The following BCL2L11 variants were observed in gnomAD, a reference collection of about 807,000 sequenced individuals.
BCL2L11 encodes BCL2 like 11.
In BCL2L11, 15 loss-of-function variants were observed where a neutral mutation model predicts 20.6. The ratio of observed to expected loss-of-function variants is 0.73; its 90% CI spans 0.49 to 1.12. BCL2L11 has a LOEUF of 1.12. Among genes scored for constraint, BCL2L11 ranks in the 50% most tolerant of loss-of-function variants. The probability of loss-of-function intolerance (pLI) is 0.00; values close to 1 mark genes in which losing one functional copy is unlikely to be tolerated. For synonymous variants in BCL2L11, 108 were observed against 92.8 expected (o/e 1.16, Z -0.94); for missense variants, 292 against 260.9 (o/e 1.12, Z -0.82).
chr2:111,123,046 C>T (rs1821968), intron 1 of BCL2L11: 452,874 of 976,296 alleles, frequency 0.46, 106,681 homozygotes, highest in Non-Finnish European at 0.48. Context: ...GCTTCGTCGC[C>T]CTCCGCCGCC....
intron 1 of BCL2L11, among the ~76,000 whole-genome samples, chr2:111,122,321 A>G (rs2150121881): frequency 6.6e-6 from 1 of 152,098 alleles, no homozygotes; most frequent in East Asian, 1.9e-4. Flanking sequence ...GCTGTCCAGG[A>G]CGGCGGGAGC....
rs2150566373 is a variant in BCL2L11, at chr2:111,158,361, A to G, written c.499-5772A>G. Among the ~76,000 whole-genome samples the G allele has an allele frequency of 1.3e-5, 2 of 152,234 alleles. 1 individual carries two copies. On this transcript the variant is annotated intron_variant, in intron 3 of 3. Coordinates refer to ENST00000393256, the MANE Select transcript of BCL2L11 (RefSeq NM_138621.5). ...TCAGTGTCCCTAAAGATGCCGTGAC[A>G]GCCCCTGGGTATTCTCAGGCTCCTG...
Position 111,123,914 on chromosome 2 carries a change from C to T in BCL2L11, c.169C>T (p.His57Tyr). Reference sequence around the variant, plus strand: ...CGGAGGTGAAGGGGACAGCTGCCCCCACGGCAGCCCTCAGGGCCCGCTGGC... The same window carrying T: ...CGGAGGTGAAGGGGACAGCTGCCCCTACGGCAGCCCTCAGGGCCCGCTGGC... Reference protein sequence around the residue: ...NHGGEGDSCPHGSPQGPLAPP... With the variant: ...NHGGEGDSCPYGSPQGPLAPP... The change falls in exon 2 of 4, where the codon CAC (histidine) becomes TAC (tyrosine). Residue 57 changes from histidine to tyrosine, a missense_variant. Transcript: ENST00000393256. 1 of 1,613,276 alleles carries T rather than the reference C, an allele frequency of 6.2e-7. No homozygotes were observed. The highest frequency in any genetic ancestry group is 8.5e-7 in the Non-Finnish European group (1 of 1,179,612).
At chr2:111,124,509 C>T (rs977616994) in intron 2 of BCL2L11, among the ~76,000 whole-genome samples, 1 of 152,164 alleles carries the variant, frequency 6.6e-6, no homozygotes, top group Non-Finnish European at 1.5e-5. Flanking sequence ...CCAGGATGGT[C>T]TCAATCTCCT....
At chr2:111,134,437 C>T (rs2074496252) in intron 2 of BCL2L11, among the ~76,000 whole-genome samples, 1 of 152,030 alleles carries the variant, frequency 6.6e-6, no homozygotes, top group South Asian at 2.1e-4. Flanking sequence ...GAGTAGAAAC[C>T]TTACTTTTCT....
In BCL2L11 at chr2:111,141,506, G is replaced by A. The variant is rs1408836496; in HGVS notation, c.395-8538G>A. On this transcript the variant is annotated intron_variant, in intron 2 of 3. Coordinates refer to ENST00000393256, the MANE Select transcript of BCL2L11 (RefSeq NM_138621.5). ...AGGAAGGGGAATATCACACTCTGGGGACTGTTGTGGGGTGGGGGGAGGGGG... is the reference window on the plus strand; with the variant it reads ...AGGAAGGGGAATATCACACTCTGGGAACTGTTGTGGGGTGGGGGGAGGGGG... Among the ~76,000 whole-genome samples the A allele has an allele frequency of 2.3e-3, 278 of 123,140 alleles. 3 individuals are homozygous for A. Among genetic ancestry groups the A allele is most frequent in the African/African-American group, 8.3e-3 (263 of 31,648 alleles). The allele number at this position is 123,140 out of a possible 152,430, so 80.8% of individuals were successfully genotyped here.
Position 111,165,090 on chromosome 2 carries a change from G to C in BCL2L11, c.*859G>C, listed in dbSNP as rs909648765. On this transcript the variant is annotated 3_prime_UTR_variant, in exon 4 of 4. Transcript: ENST00000393256. ...TGCCTGTATCTTGCACAGTTCGAGCGATCTGTTATTAACTGGGAAGCATTT... is the reference window on the plus strand; with the variant it reads ...TGCCTGTATCTTGCACAGTTCGAGCCATCTGTTATTAACTGGGAAGCATTT... 5 of 152,224 alleles carry C rather than the reference G, an allele frequency of 3.3e-5. No individual in the cohort carries two copies. Among genetic ancestry groups the C allele is most frequent in the Admixed American group, 3.3e-4 (5 of 15,284 alleles). The allele number at this position is 152,224 out of a possible 1,614,324, so 9.4% of individuals were successfully genotyped here.
rs775079157 is a variant in BCL2L11, at chr2:111,147,360, A to T, written c.395-2684A>T. 1.2e-3 allele frequency among the ~76,000 whole-genome samples: 172 copies of T among 137,662 alleles called. 1 individual carries two copies. The highest frequency in any genetic ancestry group is 3.2e-3 in the African/African-American group (122 of 38,474). The allele number at this position is 137,662 out of a possible 152,430, so 90.3% of individuals were successfully genotyped here. On this transcript the variant is annotated intron_variant, in intron 2 of 3. Transcript: ENST00000393256. ...CTCTCTCTCTCTCACACACACACAC[A>T]CACACACACACACACACACACACAC... is the stretch of plus-strand genomic sequence containing the variant.
intron 2 of BCL2L11, among the ~76,000 whole-genome samples, chr2:111,141,406 T>C (rs1345795076): frequency 3.3e-5 from 5 of 150,874 alleles, no homozygotes; most frequent in Non-Finnish European, 5.9e-5. Context: ...CAGTAAACTA[T>C]TGCAAGAACA....
At position 111,121,087 on chromosome 2, in the gene BCL2L11, G is replaced by A; in HGVS notation, c.-115G>A. 1 of 320,980 alleles carries A rather than the reference G, an allele frequency of 3.1e-6. No individual in the cohort carries two copies. The highest frequency in any genetic ancestry group is 6.9e-5 in the South Asian group (1 of 14,404). 19.9% of individuals were successfully genotyped at this position (320,980 alleles called of 1,614,324 possible). On this transcript the variant is annotated 5_prime_UTR_variant, in exon 1 of 4. Transcript: ENST00000393256. ...GCCACACTGCGATCGCATCATCGCG[G>A]TATTCGGTTCGCTGCGTTCCCGCCG...
intron 2 of BCL2L11, among the ~76,000 whole-genome samples, chr2:111,148,624 C>G (rs1185557946): frequency 6.6e-6 from 1 of 152,194 alleles, no homozygotes; most frequent in Non-Finnish European, 1.5e-5. Context: ...CCTTCATCAG[C>G]CTTTGTGCTT....
intron 2 of BCL2L11, among the ~76,000 whole-genome samples, chr2:111,147,384 ACACACACCCG>A (rs1448167294): frequency 6.8e-6 from 1 of 148,090 alleles, no homozygotes; most frequent in Non-Finnish European, 1.5e-5. Context: ...ACACACACAC[ACACACACCCG>A]CCATTTCTCC....
chr2:111,157,361 T>C (rs757870328), intron 3 of BCL2L11, among the ~76,000 whole-genome samples: 18 of 152,230 alleles, frequency 1.2e-4, no homozygotes, highest in Non-Finnish European at 2.5e-4. Flanking sequence ...TTCACTAGAC[T>C]TCTACCACCT....
Position 111,164,361 on chromosome 2 carries a change from T to C in BCL2L11, c.*130T>C. On this transcript the variant is annotated 3_prime_UTR_variant, in exon 4 of 4. Transcript: ENST00000393256. The stretch of plus-strand genomic sequence containing the variant: ...TCTCTTGTGGAGGGGGCAGGTGACG[T>C]TTCAGAAGACACCGAGCTGGATGGG... The C allele has an allele frequency of 4.4e-6, 3 of 687,236 alleles. No homozygotes were observed. The highest frequency in any genetic ancestry group is 8.0e-6 in the Non-Finnish European group (3 of 376,562). The allele number at this position is 687,236 out of a possible 1,614,324, so 42.6% of individuals were successfully genotyped here.
intron 3 of BCL2L11, among the ~76,000 whole-genome samples, chr2:111,158,817 T>A (rs2078207104): frequency 6.6e-6 from 1 of 152,214 alleles, no homozygotes; most frequent in Admixed American, 6.5e-5. Flanking sequence ...TTACAGCACA[T>A]CTCACCCCTG....
rs904471603 is a variant in BCL2L11, at chr2:111,146,058, C to G, written c.395-3986C>G. ...TTACAGCTTTGAAGTCACTTTACCT[C>G]AAGAGCAGTTTATATTTTATTGTGC... On this transcript the variant is annotated intron_variant, in intron 2 of 3. Coordinates refer to ENST00000393256, the MANE Select transcript of BCL2L11 (RefSeq NM_138621.5). The G allele has an allele frequency of 9.1e-6, 9 of 984,272 alleles. No homozygotes were observed. In the African/African-American group the frequency reaches 1.2e-4, roughly 13 times the overall value. The allele number at this position is 984,272 out of a possible 1,614,324, so 61.0% of individuals were successfully genotyped here. A position where few individuals can be genotyped will look rare whatever the true frequency, so the allele number is the denominator to read the frequency against.
chr2:111,156,300 A>C lies in BCL2L11; in HGVS notation c.498+6153A>C, dbSNP rs2077844620. On this transcript the variant is annotated intron_variant, in intron 3 of 3. Coordinates refer to ENST00000393256, the MANE Select transcript of BCL2L11 (RefSeq NM_138621.5). ...ATTAAATTCAAATTAGACCTAACTCATGCAATGATAGGTTGCCCCACACTT... is the reference window on the plus strand; with the variant it reads ...ATTAAATTCAAATTAGACCTAACTCCTGCAATGATAGGTTGCCCCACACTT... Among the ~76,000 whole-genome samples, 4 of 152,254 alleles carry C rather than the reference A, an allele frequency of 2.6e-5. No homozygotes were observed. The South Asian group carries it at 8.3e-4, about 31-fold the overall frequency.
At chr2:111,130,007 T>C in intron 2 of BCL2L11, 1 of 296,334 alleles carries the variant, frequency 3.4e-6, no homozygotes, top group Non-Finnish European at 6.7e-6. Context: ...TGCTTAGCTA[T>C]TCACCTGTTG....
rs2079075702 is a variant in BCL2L11, at chr2:111,167,445, C to T, written c.*3214C>T. Reference sequence around the variant, plus strand: ...ATCATGCAAGCAAATTTTGCTGACTCCAGGCTTTATCTTTAGGAAAACAAA... The same window carrying T: ...ATCATGCAAGCAAATTTTGCTGACTTCAGGCTTTATCTTTAGGAAAACAAA... On this transcript the variant is annotated 3_prime_UTR_variant, in exon 4 of 4. Coordinates refer to ENST00000393256, the MANE Select transcript of BCL2L11 (RefSeq NM_138621.5). 6.6e-6 allele frequency: 1 copy of T among 152,290 alleles called. No individual in the cohort carries two copies. The highest frequency in any genetic ancestry group is 1.5e-5 in the Non-Finnish European group (1 of 68,034). The allele number at this position is 152,290 out of a possible 1,614,324, so 9.4% of individuals were successfully genotyped here. A position where few individuals can be genotyped will look rare whatever the true frequency, so the allele number is the denominator to read the frequency against.
Sources: allele counts gnomAD v4.1 joint callset (sites outside exome capture counted in the v4.1 genomes callset), GRCh38; gene constraint gnomAD v4.1.1; transcripts MANE v1.5; gene names NCBI Gene and HGNC (gene_info 2026-07-23, HGNC 2026-07-21).